COX16: variants seen among roughly 807,000 people sequenced by gnomAD.
COX16 encodes the protein cytochrome c oxidase assembly protein COX16 homolog, mitochondrial.
A neutral mutation model predicts 15.4 loss-of-function variants in COX16; 12 were observed. The ratio of observed to expected loss-of-function variants is 0.78; its 90% CI spans 0.50 to 1.26. The LOEUF (loss-of-function observed/expected upper bound fraction) is 1.26, where lower values mean the gene tolerates loss of function less well. COX16 is among the 50% of genes most tolerant of loss of function. The pLI, the probability that COX16 is intolerant of heterozygous loss-of-function variation, is 0.00. For synonymous variants in COX16, 46 were observed against 41.1 expected, an observed-to-expected ratio of 1.12 and a Z score of -0.46; for missense variants, 124 against 127.6, an observed-to-expected ratio of 0.97 and a Z score of 0.14.
At chr14:70,343,053 CAAAA>C (rs1174618451) in intron 1 of COX16, among the ~76,000 whole-genome samples, 1 of 150,580 alleles carries the variant, frequency 6.6e-6, no homozygotes, top group South Asian at 2.1e-4. Context: ...AAGAAAAAAA[CAAAA>C]ACAAAAACAA....
chr14:70,329,116 G>T, intron 3 of COX16, 58 bp downstream of exon 3: 3 of 1,504,538 alleles, frequency 2.0e-6, no homozygotes, highest in East Asian at 2.4e-5. Context: ...ATACTTTTAA[G>T]GCAGATAAAA....
intron 2 of COX16, among the ~76,000 whole-genome samples, chr14:70,338,090 A>AAATC (rs1176695604): frequency 6.6e-6 from 1 of 152,232 alleles, no homozygotes; most frequent in Non-Finnish European, 1.5e-5. Context: ...ATCTTCAAAG[A>AAATC]AATCAGAAGA....
chr14:70,359,427 A>T, intron 1 of COX16, 92 bp downstream of exon 1: 1 of 1,194,462 alleles, frequency 8.4e-7, no homozygotes, highest in East Asian at 2.4e-5. Context: ...GCCAGCCCTT[A>T]ACTTCACATT....
At chr14:70,349,975 A>T (rs10137455) in intron 1 of COX16, among the ~76,000 whole-genome samples, 1 of 151,994 alleles carries the variant, frequency 6.6e-6, no homozygotes, top group Non-Finnish European at 1.5e-5. Flanking sequence ...GTCTCTCAAG[A>T]ATACCCAAAA....
chr14:70,329,974 A>C (rs894701380), intron 2 of COX16, among the ~76,000 whole-genome samples: 1 of 152,154 alleles, frequency 6.6e-6, no homozygotes, highest in African/African-American at 2.4e-5. Context: ...GCTAGACCTA[A>C]AAGTTCTAAC....
chr14:70,345,906 T>A (rs1285946731), intron 1 of COX16, among the ~76,000 whole-genome samples: 2 of 151,800 alleles, frequency 1.3e-5, no homozygotes, highest in Non-Finnish European at 2.9e-5. Context: ...CCCCCAAGCC[T>A]CCTCGTTGTC....
chr14:70,347,897 A>G (rs1209847042), intron 1 of COX16, among the ~76,000 whole-genome samples: 1 of 152,004 alleles, frequency 6.6e-6, no homozygotes, highest in African/African-American at 2.4e-5. Context: ...TTGCCAAACC[A>G]TTATACCAAG....
At chr14:70,344,088 A>G (rs923139795) in intron 1 of COX16, among the ~76,000 whole-genome samples, 2 of 152,166 alleles carry the variant, frequency 1.3e-5, no homozygotes, top group Non-Finnish European at 2.9e-5. Flanking sequence ...GTTGAGCCCA[A>G]TTACCCGTCT....
At chr14:70,326,691 GAGAA>G (rs986625134) in intron 3 of COX16, among the ~76,000 whole-genome samples, 1 of 152,164 alleles carries the variant, frequency 6.6e-6, no homozygotes, top group Non-Finnish European at 1.5e-5. Context: ...TATTAAAATA[GAGAA>G]AGAGTCTACA....
At chr14:70,343,866 G>A (rs1886696373) in intron 1 of COX16, among the ~76,000 whole-genome samples, 1 of 152,198 alleles carries the variant, frequency 6.6e-6, no homozygotes, top group Non-Finnish European at 1.5e-5. Context: ...TAACAATGGG[G>A]AATTGCAGAG....
At chr14:70,339,962 C>G (rs1024914978) in intron 2 of COX16, among the ~76,000 whole-genome samples, 17 of 152,216 alleles carry the variant, frequency 1.1e-4, no homozygotes, top group Non-Finnish European at 2.1e-4. Context: ...ACCTCATTCT[C>G]TTAACCTTAC....
At chr14:70,329,339 T>TACAA (rs1886203791) in intron 2 of COX16, 103 bp from the exon 3 acceptor site, 2 of 1,012,048 alleles carry the variant, frequency 2.0e-6, no homozygotes, top group Non-Finnish European at 2.8e-6. Context: ...TATAGCCAAA[T>TACAA]ACAAACACAT....
chr14:70,356,167 G>A lies in COX16; in HGVS notation c.69+3352C>T, dbSNP rs113795870. On this transcript the variant is annotated intron_variant, in intron 1 of 3. Coordinates refer to ENST00000389912, the MANE Select transcript of COX16 (RefSeq NM_016468.7). ...TGGTCCCCAAACTTTCTGGCACCAG[G>A]GACCAGTTTCATGGCAGACCATTTT... 4.7e-3 allele frequency among the ~76,000 whole-genome samples: 657 copies of A among 139,086 alleles called. 1 individual carries two copies. The highest frequency in any genetic ancestry group is 7.1e-3 in the Non-Finnish European group (464 of 65,316). The allele number at this position is 139,086 out of a possible 152,430, so 91.2% of individuals were successfully genotyped here. A position where few individuals can be genotyped will look rare whatever the true frequency, so the allele number is the denominator to read the frequency against.
chr14:70,341,566 G>C (rs1315831308), intron 2 of COX16, among the ~76,000 whole-genome samples: 1 of 152,154 alleles, frequency 6.6e-6, no homozygotes, highest in Non-Finnish European at 1.5e-5. Context: ...GAGAATCCTA[G>C]CTCTACCCCT....
At chr14:70,354,449 C>G (rs1162463102) in intron 1 of COX16, among the ~76,000 whole-genome samples, 1 of 152,144 alleles carries the variant, frequency 6.6e-6, no homozygotes. Flanking sequence ...GAGCTGGAGA[C>G]AGTTCAGTCA....
intron 1 of COX16, among the ~76,000 whole-genome samples, chr14:70,347,395 T>A (rs1321039555): frequency 6.6e-6 from 1 of 152,204 alleles, no homozygotes; most frequent in African/African-American, 2.4e-5. Flanking sequence ...TAAAGGATGC[T>A]TTTTTCCACA....
In COX16 at chr14:70,327,791, TC is replaced by T. The variant is rs1727962010; in HGVS notation, c.205-1343del. On this transcript the variant is annotated intron_variant, in intron 3 of 3. Coordinates refer to ENST00000389912, the MANE Select transcript of COX16 (RefSeq NM_016468.7). ...TTTACAGATCTTTGGTGAAGGAGAT[TC>T]CTTGTAGAATTCTACAAAACGTGCA... is the stretch of plus-strand genomic sequence containing the variant. Among the ~76,000 whole-genome samples the T allele has an allele frequency of 2.0e-5, 3 of 152,138 alleles. No homozygotes were observed. In the South Asian group the frequency reaches 6.2e-4, roughly 31 times the overall value.
chr14:70,355,798 G>A (rs1040281402), intron 1 of COX16, among the ~76,000 whole-genome samples: 1 of 152,154 alleles, frequency 6.6e-6, no homozygotes, highest in African/African-American at 2.4e-5. Flanking sequence ...CCCAATGTTG[G>A]AGGGAAGGCC....
chr14:70,336,429 T>A (rs528497394), intron 2 of COX16, among the ~76,000 whole-genome samples: 3 of 152,318 alleles, frequency 2.0e-5, no homozygotes, highest in Admixed American at 1.3e-4. Context: ...GGGTTTTCAG[T>A]TTATGATAAT....
Sources: gnomAD v4.1 joint callset for allele counts (sites outside exome capture counted in the v4.1 genomes callset) on GRCh38, gnomAD v4.1.1 for gene constraint, MANE v1.5 for transcripts, NCBI Gene and HGNC (gene_info 2026-07-23, HGNC 2026-07-21) for gene names.